The following FAM162B variants were observed in gnomAD, a reference collection of about 807,000 sequenced individuals.
FAM162B encodes protein FAM162B.
A neutral mutation model predicts 20.0 loss-of-function variants in FAM162B; 16 were observed. The observed-to-expected ratio is 0.80, with a 90% CI of 0.54 to 1.21. The LOEUF is 1.21. FAM162B is among the 50% of genes most tolerant of loss of function. The pLI is 0.00. For synonymous variants in FAM162B, 83 were observed against 89.7 expected, an observed-to-expected ratio of 0.93 and a Z score of 0.42; for missense variants, 260 against 227.5, an observed-to-expected ratio of 1.14 and a Z score of -0.92.
intron 3 of FAM162B, among the ~76,000 whole-genome samples, chr6:116,753,502 C>T (rs976938999): frequency 1.3e-5 from 2 of 152,014 alleles, no homozygotes; most frequent in African/African-American, 4.8e-5. Context: ...GACTTATCCA[C>T]GAGCAGCTAG....
intron 2 of FAM162B, among the ~76,000 whole-genome samples, chr6:116,764,361 C>G (rs1428243722): frequency 1.3e-5 from 2 of 152,170 alleles, no homozygotes; most frequent in Admixed American, 6.5e-5. Context: ...TTCCGTCCCT[C>G]TCTTTTTTAC....
intron 3 of FAM162B, among the ~76,000 whole-genome samples, chr6:116,758,316 C>T (rs935497391): frequency 2.6e-5 from 4 of 152,162 alleles, no homozygotes; most frequent in African/African-American, 9.7e-5. Flanking sequence ...GAAAAGACAG[C>T]ATGAAATAGT....
intron 3 of FAM162B, among the ~76,000 whole-genome samples, chr6:116,754,939 C>T (rs571056632): frequency 7.9e-5 from 12 of 152,140 alleles, no homozygotes; most frequent in Non-Finnish European, 1.5e-4. Flanking sequence ...AGACAGCTAA[C>T]TTAATTGATA....
chr6:116,762,022 T>G lies in FAM162B; in HGVS notation c.345A>C (p.Gly115=), dbSNP rs763617753. 8.1e-6 allele frequency: 13 copies of G among 1,603,750 alleles called. No individual in the cohort carries two copies. Among genetic ancestry groups the G allele is most frequent in the Non-Finnish European group, 1.1e-5 (13 of 1,172,222 alleles). Residue 115 remains glycine (G), a synonymous_variant, in exon 3 of 4, where the codon GGA becomes GGC. Transcript: ENST00000368557. ...CAGCAAAGCAGGCGATAATTGTGAG[T>G]CCAATCATTATGTAACAAGCTTTCA... ...ARVKACYIMI[G]LTIIACFAVI... is the part of the protein sequence containing the mutation.
At position 116,762,048 on chromosome 6, in the gene FAM162B, CTCGAGCTTTGTT is replaced by C; in HGVS notation, c.307_318del (p.Asn103_Arg106del). 5 of 1,596,468 alleles carry C rather than the reference CTCGAGCTTTGTT, an allele frequency of 3.1e-6. No homozygotes were observed. Among genetic ancestry groups the C allele is most frequent in the Non-Finnish European group, 4.3e-6 (5 of 1,167,138 alleles). On this transcript the variant is annotated inframe_deletion, in exon 3 of 4. Coordinates refer to ENST00000368557, the MANE Select transcript of FAM162B (RefSeq NM_001085480.3). ...CCAATCATTATGTAACAAGCTTTCA[CTCGAGCTTTGTT>C]TCTTGCGGTGTCTATCATTTCTGGC...
In FAM162B at chr6:116,765,491, CG is replaced by C. The variant is rs1326875109; in HGVS notation, c.85del (p.Arg29AspfsTer69). On this transcript the variant is annotated frameshift_variant, in exon 1 of 4. Transcript: ENST00000368557. LOFTEE classifies it high-confidence loss of function. ...CGPGAPLEAT[R>X]RPAPALPPRG... is the part of the protein sequence containing the mutation. ...GGGCGGAAGAGCCGGTGCGGGCCGT[CG>C]CGTGGCCTCGAGAGGCGCCCCGGGG... The C allele has an allele frequency of 2.1e-6, 3 of 1,405,714 alleles. No individual in the cohort carries two copies. In the African/African-American group the frequency reaches 4.5e-5, roughly 21 times the overall value. 87.1% of individuals were successfully genotyped at this position (1,405,714 alleles called of 1,614,324 possible). A position where few individuals can be genotyped will look rare whatever the true frequency, so the allele number is the denominator to read the frequency against.
At chr6:116,763,702 C>T (rs900480375) in intron 2 of FAM162B, among the ~76,000 whole-genome samples, 2 of 151,882 alleles carry the variant, frequency 1.3e-5, no homozygotes, top group Admixed American at 6.6e-5. Context: ...TGGTTCTTTA[C>T]ACTCTTGATT....
intron 3 of FAM162B, among the ~76,000 whole-genome samples, chr6:116,755,300 AC>A (rs1459915571): frequency 2.0e-5 from 3 of 151,814 alleles, no homozygotes; most frequent in Non-Finnish European, 4.4e-5. Context: ...GATATAAAAA[AC>A]GTTTTAGTGG....
chr6:116,754,697 C>CT (rs869071727), intron 3 of FAM162B, among the ~76,000 whole-genome samples: 2 of 139,102 alleles, frequency 1.4e-5, no homozygotes, highest in African/African-American at 2.8e-5. Flanking sequence ...TCTTCTTCTT[C>CT]TTTTTTTGTT....
intron 3 of FAM162B, among the ~76,000 whole-genome samples, chr6:116,756,356 T>C (rs1780051013): frequency 6.6e-6 from 1 of 152,180 alleles, no homozygotes; most frequent in Non-Finnish European, 1.5e-5. Context: ...GAATTCATAG[T>C]GGAGCCTGAA....
At chr6:116,753,883 G>A (rs1420624624) in intron 3 of FAM162B, among the ~76,000 whole-genome samples, 5 of 152,264 alleles carry the variant, frequency 3.3e-5, no homozygotes, top group Middle Eastern at 3.4e-3. Context: ...CTTGGAAGAC[G>A]TGGCCAACAG....
intron 3 of FAM162B, among the ~76,000 whole-genome samples, chr6:116,754,104 TA>T (rs1780025910): frequency 6.6e-6 from 1 of 152,214 alleles, no homozygotes; most frequent in African/African-American, 2.4e-5. Context: ...TATAACTAAC[TA>T]TTTCCCTATG....
At position 116,752,412 on chromosome 6, in the gene FAM162B, CT is replaced by C; in HGVS notation, c.*184del. ...ATCAGACTGTATACAGTTTTGTCCA[CT>C]TTTTGAATGCATGGTATACTTCAGT... is the stretch of plus-strand genomic sequence containing the variant. On this transcript the variant is annotated 3_prime_UTR_variant, in exon 4 of 4. Transcript: ENST00000368557. The C allele has an allele frequency of 4.0e-6, 1 of 252,836 alleles. No individual in the cohort carries two copies. The highest frequency in any genetic ancestry group is 7.6e-6 in the Non-Finnish European group (1 of 132,004). 15.7% of individuals were successfully genotyped at this position (252,836 alleles called of 1,614,324 possible).
chr6:116,761,933 T>C lies in FAM162B; in HGVS notation c.390+44A>G, dbSNP rs147537023. On this transcript the variant is annotated intron_variant, in intron 3 of 3. Transcript: ENST00000368557. ...TTTTAGGGAGGTACTTAAAAAGAGG[T>C]ACTTACCCTTTTAACTGACTTGCCC... 4.9e-6 allele frequency: 7 copies of C among 1,423,436 alleles called. No individual in the cohort carries two copies. The South Asian group carries it at 5.3e-5, about 11-fold the overall frequency. 88.2% of individuals were successfully genotyped at this position (1,423,436 alleles called of 1,614,324 possible).
chr6:116,765,547 G>A lies in FAM162B; in HGVS notation c.30C>T (p.Arg10=), dbSNP rs2114555753. 4 of 1,384,750 alleles carry A rather than the reference G, an allele frequency of 2.9e-6. No individual in the cohort carries two copies. The highest frequency in any genetic ancestry group is 3.7e-6 in the Non-Finnish European group (4 of 1,077,986). 85.8% of individuals were successfully genotyped at this position (1,384,750 alleles called of 1,614,324 possible). The change falls in exon 1 of 4, where the codon CGC becomes CGT. Residue 10 remains arginine (R), a synonymous_variant. Coordinates refer to ENST00000368557, the MANE Select transcript of FAM162B (RefSeq NM_001085480.3). ...AGCGGACTGTTAGCCCGCGGCCAAGGCGCAGTAGGCTCCCGACCGCCCTGA... is the reference window on the plus strand; with the variant it reads ...AGCGGACTGTTAGCCCGCGGCCAAGACGCAGTAGGCTCCCGACCGCCCTGA... The part of the protein sequence containing the change: MLRAVGSLL[R]LGRGLTVRCG...
chr6:116,761,847 T>A lies in FAM162B; in HGVS notation c.390+130A>T, dbSNP rs528101561. ...TGAATCGAGAACAATGTCCATGACA[T>A]TTCTTAAAATTCACCCTTTGGGCTG... On this transcript the variant is annotated intron_variant, in intron 3 of 3. Coordinates refer to ENST00000368557, the MANE Select transcript of FAM162B (RefSeq NM_001085480.3). 123 of 567,786 alleles carry A rather than the reference T, an allele frequency of 2.2e-4. No homozygotes were observed. The South Asian group carries it at 3.4e-3, about 16-fold the overall frequency. The allele number at this position is 567,786 out of a possible 1,614,324, so 35.2% of individuals were successfully genotyped here. A position where few individuals can be genotyped will look rare whatever the true frequency, so the allele number is the denominator to read the frequency against.
intron 2 of FAM162B, among the ~76,000 whole-genome samples, chr6:116,762,546 C>G (rs1301179211): frequency 6.6e-6 from 1 of 151,804 alleles, no homozygotes; most frequent in African/African-American, 2.4e-5. Flanking sequence ...CTCCCAATCT[C>G]TTGTCCCTTC....
In FAM162B at chr6:116,752,695, C is replaced by A. The variant is rs375099409; in HGVS notation, c.391G>T (p.Ala131Ser). 4.1e-6 allele frequency: 6 copies of A among 1,478,268 alleles called. No homozygotes were observed. The highest frequency in any genetic ancestry group is 4.5e-6 in the Non-Finnish European group (5 of 1,101,950). 91.6% of individuals were successfully genotyped at this position (1,478,268 alleles called of 1,614,324 possible). Residue 131 changes from alanine (A) to serine (S), a missense_variant and splice_region_variant, in exon 4 of 4, where the codon GCT becomes TCT. By Grantham distance (99) the Ala-to-Ser change is moderately conservative (BLOSUM62 1). Transcript: ENST00000368557. ...CFAVIVSAKR[A>S]VERHESLTSW... The stretch of plus-strand genomic sequence containing the variant: ...GTTAAGGATTCATGTCGTTCTACAG[C>A]CTGTGGGGGGGAAGAAATATATATA...
chr6:116,758,767 A>T (rs371744621), intron 3 of FAM162B, among the ~76,000 whole-genome samples: 2 of 152,268 alleles, frequency 1.3e-5, no homozygotes, highest in Non-Finnish European at 2.9e-5. Context: ...GAATGTCCCA[A>T]TATCATTTCT....
Sources: allele counts gnomAD v4.1 joint callset (sites outside exome capture counted in the v4.1 genomes callset), GRCh38; gene constraint gnomAD v4.1.1; transcripts MANE v1.5; gene names NCBI Gene and HGNC (gene_info 2026-07-23, HGNC 2026-07-21).